Variants in TMEM132C observed in about 807,000 individuals in gnomAD.
TMEM132C encodes the protein transmembrane protein 132C, also known as protein phosphatase 1, regulatory subunit 152.
A neutral mutation model predicts 61.4 loss-of-function variants in TMEM132C; 29 were observed. The ratio of observed to expected loss-of-function variants is 0.47; its 90% CI spans 0.35 to 0.64. TMEM132C has a LOEUF of 0.64. TMEM132C is among the 30% of genes least tolerant of loss of function. TMEM132C has a pLI of 0.00. For missense variants in TMEM132C, 1,408 were observed against 1,476.9 expected, an observed-to-expected ratio of 0.95 and a Z score of 0.76; for synonymous variants, 656 against 633.1, an observed-to-expected ratio of 1.04 and a Z score of -0.54.
intron 5 of TMEM132C, among the ~76,000 whole-genome samples, chr12:128,686,108 ATGTG>A (rs1291737063): frequency 1.1e-5 from 1 of 90,578 alleles, no homozygotes; most frequent in Non-Finnish European, 2.8e-5. Flanking sequence ...ATGTGTGTGC[ATGTG>A]TGTGTGCATG....
chr12:128,630,172 G>A lies in TMEM132C; in HGVS notation c.1305+13837G>A, dbSNP rs906382215. 6.6e-6 allele frequency among the ~76,000 whole-genome samples: 1 copy of A among 151,994 alleles called. No individual in the cohort carries two copies. The highest frequency in any genetic ancestry group is 2.4e-5 in the African/African-American group (1 of 41,384). On this transcript the variant is annotated intron_variant, in intron 4 of 8. Transcript: ENST00000435159. This position sits in a 1 kb window ranked among gnomAD's most constrained non-coding sequence, Gnocchi z 4.3. ...TGCCCCCCTCCAAGGTGTCTCAGGCGGCAAGCTGGCGGCAAGCCCAGGAAT... is the reference window on the plus strand; with the variant it reads ...TGCCCCCCTCCAAGGTGTCTCAGGCAGCAAGCTGGCGGCAAGCCCAGGAAT...
At chr12:128,490,594 C>T (rs1459945755) in intron 2 of TMEM132C, among the ~76,000 whole-genome samples, 6 of 152,184 alleles carry the variant, frequency 3.9e-5, no homozygotes, top group Admixed American at 3.9e-4. Context: ...AGCATAAGCT[C>T]CTTATAGAGA....
chr12:128,664,645 T>A (rs1193235099), intron 4 of TMEM132C, among the ~76,000 whole-genome samples: 5 of 152,186 alleles, frequency 3.3e-5, no homozygotes, highest in Non-Finnish European at 7.3e-5. Flanking sequence ...GGAAGCAGGC[T>A]GCCTTCTGTG....
intron 2 of TMEM132C, among the ~76,000 whole-genome samples, chr12:128,429,791 C>T (rs1869323138): frequency 6.6e-6 from 1 of 152,158 alleles, no homozygotes. Context: ...AGTGTCACAC[C>T]TTCATTATGA....
At chr12:128,356,791 C>A (rs1351907789) in intron 1 of TMEM132C, among the ~76,000 whole-genome samples, 1 of 152,226 alleles carries the variant, frequency 6.6e-6, no homozygotes, top group African/African-American at 2.4e-5. Context: ...CACGCCATGC[C>A]TGGCCTTGCA....
chr12:128,409,167 G>A (rs545582779), intron 1 of TMEM132C, among the ~76,000 whole-genome samples: 6 of 152,168 alleles, frequency 3.9e-5, no homozygotes, highest in Non-Finnish European at 7.3e-5. Context: ...GTTCTTAGCC[G>A]TGCCCTCATG....
chr12:128,405,682 T>C (rs1003965267), intron 1 of TMEM132C, among the ~76,000 whole-genome samples: 1 of 152,218 alleles, frequency 6.6e-6, no homozygotes, highest in South Asian at 2.1e-4. Context: ...AACAGAACTA[T>C]TCATTTATAT....
At chr12:128,512,336 T>C (rs984679001) in intron 2 of TMEM132C, among the ~76,000 whole-genome samples, 3 of 152,184 alleles carry the variant, frequency 2.0e-5, no homozygotes, top group Non-Finnish European at 4.4e-5. Flanking sequence ...TTTCTTGTTT[T>C]TACCTCTTTT....
chr12:128,280,415 T>G (rs1040940136), intron 1 of TMEM132C, among the ~76,000 whole-genome samples: 33 of 152,192 alleles, frequency 2.2e-4, no homozygotes, highest in African/African-American at 8.0e-4. Flanking sequence ...GACAAGAGAT[T>G]CTCAAAACTG....
At position 128,531,254 on chromosome 12, in the gene TMEM132C, A is replaced by G. The variant is rs149146432; in HGVS notation, c.975-12703A>G. Among the ~76,000 whole-genome samples the G allele has an allele frequency of 2.9e-4, 43 of 147,882 alleles. No homozygotes were observed. In the East Asian group the frequency reaches 5.1e-3, roughly 18 times the overall value. ...TCTGAGATCCAGCATTTGATGAGTCACTGATAGGGAAGTTTTCATTTGATA... is the reference window on the plus strand; with the variant it reads ...TCTGAGATCCAGCATTTGATGAGTCGCTGATAGGGAAGTTTTCATTTGATA... On this transcript the variant is annotated intron_variant, in intron 2 of 8. Coordinates refer to ENST00000435159, the MANE Select transcript of TMEM132C (RefSeq NM_001136103.3).
At chr12:128,459,965 C>A (rs1870480318) in intron 2 of TMEM132C, among the ~76,000 whole-genome samples, 1 of 151,478 alleles carries the variant, frequency 6.6e-6, no homozygotes, top group African/African-American at 2.4e-5. Context: ...GAGTGGTATC[C>A]AGCAAGTGTT....
chr12:128,327,047 T>C (rs1872544802), intron 1 of TMEM132C, among the ~76,000 whole-genome samples: 1 of 150,030 alleles, frequency 6.7e-6, no homozygotes, highest in Non-Finnish European at 1.5e-5. Flanking sequence ...GATTACATCA[T>C]AAGGCAAGTG....
chr12:128,544,091 G>A lies in TMEM132C; in HGVS notation c.1109G>A (p.Ser370Asn). The A allele has an allele frequency of 6.5e-7, 1 of 1,538,042 alleles. No homozygotes were observed. The highest frequency in any genetic ancestry group is 8.8e-7 in the Non-Finnish European group (1 of 1,140,560). ...GTGGCCTGCCAGCGCCTGGGGCCCA[G>A]CCCACGCAACAGGTAAGCGGTGCCC... The part of the protein sequence containing the change: ...ATVACQRLGP[S>N]PRNRSSSLFN... The change falls in exon 3 of 9, where the codon AGC (serine) becomes AAC (asparagine). Residue 370 changes from serine to asparagine, a missense_variant. Transcript: ENST00000435159.
intron 1 of TMEM132C, among the ~76,000 whole-genome samples, chr12:128,347,851 G>A (rs550473432): frequency 2.3e-4 from 35 of 152,256 alleles, no homozygotes; most frequent in East Asian, 1.5e-3. Context: ...GTTTTCCATC[G>A]TGGTTGTACT....
intron 3 of TMEM132C, among the ~76,000 whole-genome samples, chr12:128,605,560 A>C (rs1876392249): frequency 6.6e-6 from 1 of 152,128 alleles, no homozygotes; most frequent in African/African-American, 2.4e-5. Context: ...CATAAAATTA[A>C]CCCTCACAGA....
chr12:128,611,534 G>A (rs964795094), intron 3 of TMEM132C, among the ~76,000 whole-genome samples: 15 of 152,108 alleles, frequency 9.9e-5, no homozygotes, highest in Admixed American at 1.3e-4. Context: ...CCCTTGGAGT[G>A]CCACGGATCC....
intron 3 of TMEM132C, among the ~76,000 whole-genome samples, chr12:128,551,893 C>T (rs1283830014): frequency 6.6e-6 from 1 of 152,136 alleles, no homozygotes; most frequent in Non-Finnish European, 1.5e-5. Flanking sequence ...GCTTTTGATT[C>T]GAACGTTGCA....
At chr12:128,597,993 G>A (rs1247882646) in intron 3 of TMEM132C, among the ~76,000 whole-genome samples, 1 of 152,164 alleles carries the variant, frequency 6.6e-6, no homozygotes, top group African/African-American at 2.4e-5. Flanking sequence ...CAGAGGGAGA[G>A]GATGCATCCA....
At chr12:128,480,442 T>G (rs1255711172) in intron 2 of TMEM132C, among the ~76,000 whole-genome samples, 2 of 152,216 alleles carry the variant, frequency 1.3e-5, no homozygotes, top group Admixed American at 1.3e-4. Context: ...GTTCCAGATC[T>G]ACATCAGAGG....
Sources: allele counts gnomAD v4.1 joint callset (sites outside exome capture counted in the v4.1 genomes callset), GRCh38; gene constraint gnomAD v4.1.1; non-coding constraint Gnocchi (gnomAD v3.1); transcripts MANE v1.5; gene names NCBI Gene and HGNC (gene_info 2026-07-23, HGNC 2026-07-21).